The following SBF2 variants were observed in gnomAD, a reference collection of about 807,000 sequenced individuals.
The protein encoded by SBF2 is SET binding factor 2.
A neutral mutation model predicts 225.2 loss-of-function variants in SBF2; 112 were observed. The ratio of observed to expected loss-of-function variants is 0.50; its 90% confidence interval spans 0.43 to 0.58. SBF2 has a LOEUF of 0.58. Ranked by LOEUF, SBF2 falls within the 20% of genes least tolerant of loss-of-function variation. The pLI is 0.00. For synonymous variants in SBF2, 763 were observed against 773.3 expected (o/e 0.99, Z 0.22); for missense variants, 1,996 against 2,206.2 (o/e 0.90, Z 1.91).
chr11:10,228,812 C>G (rs1006288846), intron 1 of SBF2, among the ~76,000 whole-genome samples: 2 of 152,158 alleles, frequency 1.3e-5, no homozygotes, highest in Non-Finnish European at 2.9e-5. Context: ...GCTTTGGTAT[C>G]AGGATGATGC....
chr11:9,984,534 C>T (rs974344628), intron 13 of SBF2, among the ~76,000 whole-genome samples: 16 of 152,056 alleles, frequency 1.1e-4, no homozygotes, highest in African/African-American at 3.4e-4. Context: ...AAAACATCCC[C>T]GGCCTTGCAA....
intron 1 of SBF2, among the ~76,000 whole-genome samples, chr11:10,223,823 T>C (rs1393399397): frequency 6.6e-6 from 1 of 152,072 alleles, no homozygotes; most frequent in Non-Finnish European, 1.5e-5. Context: ...TGGAGATGAC[T>C]GGCATCATAT....
At chr11:9,928,866 C>T (rs542952807) in intron 16 of SBF2, 90 of 239,124 alleles carry the variant, frequency 3.8e-4, no homozygotes, top group African/African-American at 2.0e-3. Context: ...TGACTTATTA[C>T]TTGCTGTTCA....
At chr11:10,220,868 C>A (rs942878760) in intron 1 of SBF2, among the ~76,000 whole-genome samples, 3 of 152,050 alleles carry the variant, frequency 2.0e-5, no homozygotes, top group African/African-American at 7.3e-5. Context: ...TATTTGTGTT[C>A]TTCTCTCTTC....
chr11:10,058,249 C>T (rs997454024), intron 2 of SBF2, among the ~76,000 whole-genome samples: 6 of 151,950 alleles, frequency 3.9e-5, no homozygotes, highest in African/African-American at 1.5e-4. Context: ...AAACCCAATC[C>T]AAGGAAAATA....
chr11:10,273,477 CTTAT>C (rs763428990), intron 1 of SBF2, among the ~76,000 whole-genome samples: 1 of 152,142 alleles, frequency 6.6e-6, no homozygotes, highest in Non-Finnish European at 1.5e-5. Flanking sequence ...TTCTAAAGAA[CTTAT>C]TTTTCTTTTA....
intron 2 of SBF2, among the ~76,000 whole-genome samples, chr11:10,167,563 G>A (rs1415946036): frequency 6.6e-6 from 1 of 152,020 alleles, no homozygotes; most frequent in Non-Finnish European, 1.5e-5. Context: ...GCAACACTGT[G>A]TCTTCTAAAT....
At chr11:10,254,435 G>T (rs756248000) in intron 1 of SBF2, among the ~76,000 whole-genome samples, 2 of 151,326 alleles carry the variant, frequency 1.3e-5, no homozygotes, top group Non-Finnish European at 2.9e-5. Context: ...CCACTACTAG[G>T]TATATATCCA....
At chr11:9,782,459 T>A (rs1280655221) in intron 38 of SBF2, among the ~76,000 whole-genome samples, 2 of 152,232 alleles carry the variant, frequency 1.3e-5, no homozygotes, top group Non-Finnish European at 2.9e-5. Context: ...TGGCTGATGA[T>A]ATCCAATAAG....
chr11:9,935,061 C>G lies in SBF2; in HGVS notation c.1860+26896G>C, dbSNP rs567390735. Among the ~76,000 whole-genome samples the G allele has an allele frequency of 2.0e-5, 3 of 152,274 alleles. No homozygotes were observed. The East Asian group carries it at 5.8e-4, about 29-fold the overall frequency. ...TGATTGTATATTTAGAAAACCCCAT[C>G]GTCTCAGCCCAAAATCTCCTTAAGC... On this transcript the variant is annotated intron_variant, in intron 16 of 39. Transcript: ENST00000256190.
rs540949504 is a variant in SBF2, at chr11:9,988,540, A to C, written c.1395+957T>G. 1.5e-4 allele frequency among the ~76,000 whole-genome samples: 23 copies of C among 152,240 alleles called. No individual in the cohort carries two copies. In the South Asian group the frequency reaches 1.7e-3, roughly 11 times the overall value. On this transcript the variant is annotated intron_variant, in intron 13 of 39. Coordinates refer to ENST00000256190, the MANE Select transcript of SBF2 (RefSeq NM_030962.4). ...AAGACGACTATCCAGAATCTACAAC[A>C]AACTCAAACAAATCAGTAAGAAAAA...
chr11:9,936,506 A>G, intron 16 of SBF2, among the ~76,000 whole-genome samples: 1 of 152,344 alleles, frequency 6.6e-6, no homozygotes, highest in Admixed American at 6.5e-5. Context: ...ATGCACATGT[A>G]TGTTTATTGC....
At chr11:10,247,246 A>C (rs1298917700) in intron 1 of SBF2, among the ~76,000 whole-genome samples, 1 of 152,162 alleles carries the variant, frequency 6.6e-6, no homozygotes, top group Non-Finnish European at 1.5e-5. Context: ...CACATGCAAA[A>C]CTCCTAAAAA....
At chr11:9,952,354 G>T (rs1865909438) in intron 16 of SBF2, among the ~76,000 whole-genome samples, 1 of 152,158 alleles carries the variant, frequency 6.6e-6, no homozygotes, top group South Asian at 2.1e-4. Flanking sequence ...ACTGGGAGGG[G>T]GATCCAACAG....
intron 2 of SBF2, among the ~76,000 whole-genome samples, chr11:10,133,174 T>G (rs1954159084): frequency 1.3e-5 from 2 of 149,488 alleles, no homozygotes; most frequent in Admixed American, 1.4e-4. Flanking sequence ...TTGGTGTATT[T>G]ACAATCCCTG....
chr11:10,293,206 A>ACGTG (rs78934490), intron 1 of SBF2, among the ~76,000 whole-genome samples: 51,044 of 151,958 alleles, frequency 0.34, 9,928 homozygotes, highest in Non-Finnish European at 0.45. Flanking sequence ...ACAGAAATAA[A>ACGTG]CGTGCATGAA....
At chr11:9,917,334 T>C (rs1863184024) in intron 16 of SBF2, among the ~76,000 whole-genome samples, 1 of 151,618 alleles carries the variant, frequency 6.6e-6, no homozygotes, top group East Asian at 1.9e-4. Context: ...AGTTTTTTTG[T>C]TTTTGTTTTT....
intron 2 of SBF2, among the ~76,000 whole-genome samples, chr11:10,181,321 C>T (rs1956726355): frequency 6.6e-6 from 1 of 151,966 alleles, no homozygotes; most frequent in Admixed American, 6.6e-5. Context: ...TCTGAGATTT[C>T]AATTTCTAAT....
intron 16 of SBF2, chr11:9,956,712 C>G (rs993609399): frequency 2.0e-5 from 3 of 151,998 alleles, no homozygotes; most frequent in Non-Finnish European, 4.4e-5. Context: ...CAAGAGAAAA[C>G]CACAGCTGGC....
Sources: gnomAD v4.1 joint callset for allele counts (sites outside exome capture counted in the v4.1 genomes callset) on GRCh38, gnomAD v4.1.1 for gene constraint, MANE v1.5 for transcripts, NCBI Gene and HGNC (gene_info 2026-07-23, HGNC 2026-07-21) for gene names.